The following TRAPPC12 variants were observed in gnomAD, a reference collection of about 807,000 sequenced individuals.
The protein encoded by TRAPPC12 is TPR repeat protein 15.
A neutral mutation model predicts 69.2 loss-of-function variants in TRAPPC12; 61 were observed. The ratio of observed to expected loss-of-function variants is 0.88; its 90% CI spans 0.72 to 1.09. The LOEUF (loss-of-function observed/expected upper bound fraction) is 1.09. Among genes scored for constraint, TRAPPC12 ranks in the 50% least tolerant of loss-of-function variants. The pLI is 0.00. For missense variants in TRAPPC12, 1,101 were observed against 1,016.4 expected, an observed-to-expected ratio of 1.08 and a Z score of -1.13; for synonymous variants, 469 against 438.9, an observed-to-expected ratio of 1.07 and a Z score of -0.86.
Position 3,389,478 on chromosome 2 carries a change from G to A in TRAPPC12, c.1047+808G>A, listed in dbSNP as rs896700928. Among the ~76,000 whole-genome samples the A allele has an allele frequency of 2.0e-5, 3 of 152,376 alleles. No homozygotes were observed. The East Asian group carries it at 5.8e-4, about 29-fold the overall frequency. The stretch of plus-strand genomic sequence containing the variant: ...AGTGACTCCCACAGTGGACTCCTGC[G>A]TCCAGGCGAGGGGAACACCGTGGCG... On this transcript the variant is annotated intron_variant, in intron 2 of 11. Transcript: ENST00000324266.
At chr2:3,392,531 G>A (rs1359136417) in intron 2 of TRAPPC12, among the ~76,000 whole-genome samples, 10 of 152,152 alleles carry the variant, frequency 6.6e-5, no homozygotes, top group Admixed American at 5.2e-4. Flanking sequence ...GTCTTATGTT[G>A]TATTTCTCCC....
At chr2:3,398,959 T>G (rs1661272424) in intron 2 of TRAPPC12, among the ~76,000 whole-genome samples, 1 of 152,130 alleles carries the variant, frequency 6.6e-6, no homozygotes, top group South Asian at 2.1e-4. Context: ...CTGGGGGAAG[T>G]TCCCTCCCCC....
intron 3 of TRAPPC12, 26 bp downstream of exon 3, chr2:3,401,919 G>T (rs749011137): frequency 1.4e-6 from 2 of 1,458,776 alleles, no homozygotes; most frequent in East Asian, 2.4e-5. Flanking sequence ...TTTGATTTCA[G>T]TGTTGTTTTG....
intron 3 of TRAPPC12, among the ~76,000 whole-genome samples, chr2:3,413,406 G>A (rs1002055867): frequency 5.3e-5 from 8 of 152,224 alleles, no homozygotes; most frequent in Non-Finnish European, 1.2e-4. Flanking sequence ...AACATGAATA[G>A]AGTGTCATTC....
chr2:3,451,279 C>A (rs1314261043), intron 6 of TRAPPC12, among the ~76,000 whole-genome samples: 3 of 152,186 alleles, frequency 2.0e-5, no homozygotes, highest in African/African-American at 7.2e-5. Context: ...ATCCCTGGAC[C>A]GGCCATGACA....
At chr2:3,410,628 A>G (rs1662005567) in intron 3 of TRAPPC12, among the ~76,000 whole-genome samples, 2 of 152,208 alleles carry the variant, frequency 1.3e-5, no homozygotes, top group African/African-American at 4.8e-5. Flanking sequence ...TTACTGTAAA[A>G]TATGTCTTAC....
chr2:3,401,645 A>C (rs1661449674), intron 2 of TRAPPC12, 132 bp from the exon 3 acceptor site: 1 of 489,966 alleles, frequency 2.0e-6, no homozygotes, highest in East Asian at 3.2e-5. Flanking sequence ...AAGTTTTACG[A>C]TACTATAACC....
intron 6 of TRAPPC12, chr2:3,455,464 T>G (rs1056050421): frequency 3.6e-5 from 1 of 27,676 alleles, no homozygotes; most frequent in Non-Finnish European, 7.8e-5. Flanking sequence ...TTTGTTCTAT[T>G]TTTTTTTTGT....
intron 1 of TRAPPC12, among the ~76,000 whole-genome samples, chr2:3,383,871 GTTTTTTTTTTTTTTTTT>G (rs34956958): frequency 2.1e-4 from 18 of 85,596 alleles, no homozygotes; most frequent in East Asian, 1.1e-3. Context: ...GTTCAGTCTT[GTTTTTTTTTTTTTTTTT>G]TTTTTTTTTT....
intron 3 of TRAPPC12, among the ~76,000 whole-genome samples, chr2:3,415,756 G>A (rs567814372): frequency 9.7e-4 from 134 of 138,556 alleles, no homozygotes; most frequent in African/African-American, 3.6e-3. Context: ...TCGCTCTGTT[G>A]CCCAGGCTGG....
In TRAPPC12 at chr2:3,400,741, G is replaced by C. The variant is rs1661395053; in HGVS notation, c.1048-1036G>C. On this transcript the variant is annotated intron_variant, in intron 2 of 11. Coordinates refer to ENST00000324266, the MANE Select transcript of TRAPPC12 (RefSeq NM_016030.6). ...GTGACAGTTTTCTCTGCACTGTTGGGATGACTAGTTTGTCCCCATACAACA... is the reference window on the plus strand; with the variant it reads ...GTGACAGTTTTCTCTGCACTGTTGGCATGACTAGTTTGTCCCCATACAACA... 3.9e-5 allele frequency among the ~76,000 whole-genome samples: 6 copies of C among 152,280 alleles called. No homozygotes were observed. The South Asian group carries it at 1.2e-3, about 32-fold the overall frequency.
intron 6 of TRAPPC12, among the ~76,000 whole-genome samples, chr2:3,445,999 A>G (rs955573815): frequency 1.1e-4 from 17 of 152,158 alleles, no homozygotes; most frequent in African/African-American, 3.9e-4. Context: ...GTTGACAGCT[A>G]AGCATCGTAG....
intron 5 of TRAPPC12, among the ~76,000 whole-genome samples, chr2:3,427,104 T>G (rs542972375): frequency 5.9e-5 from 9 of 152,358 alleles, no homozygotes; most frequent in African/African-American, 2.2e-4. Flanking sequence ...TTCTGTTTAA[T>G]CAGTTATGCC....
At chr2:3,457,863 T>G (rs1665249334) in intron 7 of TRAPPC12, 170 bp downstream of exon 7, 3 of 1,440,570 alleles carry the variant, frequency 2.1e-6, no homozygotes, top group Non-Finnish European at 2.7e-6. Context: ...AGCACATCAC[T>G]GGGTGATGCT....
chr2:3,430,519 G>T (rs1007330280), intron 5 of TRAPPC12, among the ~76,000 whole-genome samples: 1 of 152,054 alleles, frequency 6.6e-6, no homozygotes, highest in South Asian at 2.1e-4. Flanking sequence ...ATTTCTATTG[G>T]GTTATCTTTG....
intron 5 of TRAPPC12, 95 bp downstream of exon 5, chr2:3,424,758 T>A: frequency 7.4e-7 from 1 of 1,352,290 alleles, no homozygotes. Flanking sequence ...GTTTTCCTTA[T>A]TTATCCAGTC....
chr2:3,459,858 G>A (rs745783155), intron 7 of TRAPPC12: 6 of 323,104 alleles, frequency 1.9e-5, no homozygotes, highest in South Asian at 7.5e-5. Flanking sequence ...GGTCAACTGC[G>A]AGAGGCTGGC....
intron 3 of TRAPPC12, among the ~76,000 whole-genome samples, chr2:3,404,514 G>A (rs1372417819): frequency 6.6e-6 from 1 of 152,162 alleles, no homozygotes; most frequent in Non-Finnish European, 1.5e-5. Context: ...TGGCAAAGCA[G>A]CCTTAGTTAC....
At chr2:3,445,362 G>A (rs1178326968) in intron 6 of TRAPPC12, among the ~76,000 whole-genome samples, 4 of 152,112 alleles carry the variant, frequency 2.6e-5, no homozygotes, top group Non-Finnish European at 4.4e-5. Context: ...TCCAGTCTGG[G>A]CAACAGAGCA....
Sources: allele counts gnomAD v4.1 joint callset (sites outside exome capture counted in the v4.1 genomes callset), GRCh38; gene constraint gnomAD v4.1.1; transcripts MANE v1.5; gene names NCBI Gene and HGNC (gene_info 2026-07-23, HGNC 2026-07-21).